Variants in SLC39A8 observed in about 807,000 individuals in gnomAD.
SLC39A8 encodes metal cation symporter ZIP8.
SLC39A8 carries 15 observed loss-of-function variants against 40.4 expected under a neutral mutation model. That is an observed-to-expected ratio of 0.37 (90% CI 0.25 to 0.57). The LOEUF (loss-of-function observed/expected upper bound fraction) is 0.57, where lower values mean the gene tolerates loss of function less well. Among genes scored for constraint, SLC39A8 ranks in the 20% least tolerant of loss-of-function variants. The pLI is 0.75. For synonymous variants in SLC39A8, 223 were observed against 221.6 expected (o/e 1.01, Z -0.06); for missense variants, 472 against 558.8 (o/e 0.84, Z 1.57).
downstream of SLC39A8, chr4:102,259,558 T>C (rs578077100): frequency 2.2e-6 from 3 of 1,388,542 alleles, no homozygotes; most frequent in African/African-American, 4.3e-5. Flanking sequence ...GGGAGAGATA[T>C]AAATAGGAAA....
At chr4:102,312,922 T>C (rs1475889129) in intron 3 of SLC39A8, among the ~76,000 whole-genome samples, 1 of 152,152 alleles carries the variant, frequency 6.6e-6, no homozygotes, top group Non-Finnish European at 1.5e-5. Context: ...TGCAATACTA[T>C]TAGTCAAGGG....
At chr4:102,287,513 T>G (rs929749012) in intron 6 of SLC39A8, among the ~76,000 whole-genome samples, 1 of 152,120 alleles carries the variant, frequency 6.6e-6, no homozygotes, top group Non-Finnish European at 1.5e-5. Flanking sequence ...CATTTCGCTT[T>G]CATCATGTTC....
At chr4:102,324,231 C>T (rs1241880814) in intron 2 of SLC39A8, 1 of 360,928 alleles carries the variant, frequency 2.8e-6, no homozygotes, top group African/African-American at 2.2e-5. Flanking sequence ...CCCGTCTATA[C>T]TAAAAATATA....
chr4:102,251,910 G>C (rs974972567), exon 12 of SLC39A8: 1 of 152,206 alleles, frequency 6.6e-6, no homozygotes, highest in Admixed American at 6.5e-5. Context: ...CTTCATATCT[G>C]ATGTTTTTAA....
chr4:102,285,572 T>G (rs1733134609), intron 6 of SLC39A8, among the ~76,000 whole-genome samples: 1 of 151,870 alleles, frequency 6.6e-6, no homozygotes. Flanking sequence ...GAAATTTACC[T>G]CAGACACAAA....
chr4:102,320,193 ATATATATATG>A (rs1560560857), intron 2 of SLC39A8, among the ~76,000 whole-genome samples: 1 of 131,834 alleles, frequency 7.6e-6, no homozygotes, highest in Non-Finnish European at 1.6e-5. Flanking sequence ...ATATATATGT[ATATATATATG>A]TATATATATA....
At chr4:102,276,026 G>C (rs1244563168) in intron 6 of SLC39A8, among the ~76,000 whole-genome samples, 1 of 152,162 alleles carries the variant, frequency 6.6e-6, no homozygotes, top group Non-Finnish European at 1.5e-5. Context: ...ATCCACAGGA[G>C]AAAGTGGAAA....
At position 102,262,522 on chromosome 4, in the gene SLC39A8, CT is replaced by C. The variant is rs1022543229; in HGVS notation, c.*521del. On this transcript the variant is annotated 3_prime_UTR_variant, in exon 9 of 9. Coordinates refer to ENST00000356736, the MANE Select transcript of SLC39A8 (RefSeq NM_001135146.2). ...AACAGAACAAAAAGCTGTGAGAAAT[CT>C]TTTTTTTCTTTGGCTCCTTAAAGAC... 27 of 984,976 alleles carry C rather than the reference CT, an allele frequency of 2.7e-5. No homozygotes were observed. The highest frequency in any genetic ancestry group is 1.0e-3 in the Middle Eastern group (2 of 1,934). 61.0% of individuals were successfully genotyped at this position (984,976 alleles called of 1,614,324 possible). A position where few individuals can be genotyped will look rare whatever the true frequency, so the allele number is the denominator to read the frequency against.
intron 6 of SLC39A8, among the ~76,000 whole-genome samples, chr4:102,278,534 G>T (rs1208788919): frequency 6.6e-6 from 1 of 152,194 alleles, no homozygotes; most frequent in African/African-American, 2.4e-5. Flanking sequence ...CTTTTACACT[G>T]TTGGTGGGAG....
chr4:102,340,405 T>A (rs1252358649), intron 2 of SLC39A8, among the ~76,000 whole-genome samples: 1 of 152,176 alleles, frequency 6.6e-6, no homozygotes, highest in Admixed American at 6.5e-5. Flanking sequence ...TTGAAGGGAC[T>A]TCGACTACAC....
intron 6 of SLC39A8, among the ~76,000 whole-genome samples, chr4:102,273,057 T>C (rs1345809989): frequency 2.0e-5 from 3 of 152,180 alleles, no homozygotes; most frequent in Admixed American, 6.5e-5. Flanking sequence ...GGAGTTTTTT[T>C]CCATACCCCA....
At chr4:102,339,411 C>T (rs1022671249) in intron 2 of SLC39A8, among the ~76,000 whole-genome samples, 1 of 152,138 alleles carries the variant, frequency 6.6e-6, no homozygotes, top group Non-Finnish European at 1.5e-5. Flanking sequence ...CATCATTACC[C>T]CCACCCCAGG....
chr4:102,307,393 A>G (rs1372631153), intron 4 of SLC39A8, 43 bp downstream of exon 4: 1 of 1,599,010 alleles, frequency 6.3e-7, no homozygotes, highest in Admixed American at 1.8e-5. Context: ...AAAACGTTCA[A>G]AAGAAACAAT....
downstream of SLC39A8, chr4:102,259,360 A>G: frequency 2.4e-6 from 2 of 833,168 alleles, no homozygotes; most frequent in Admixed American, 2.3e-5. Flanking sequence ...TGTTGTGGGA[A>G]TAACATGCAC....
At chr4:102,310,777 C>T (rs930954831) in intron 3 of SLC39A8, among the ~76,000 whole-genome samples, 4 of 152,108 alleles carry the variant, frequency 2.6e-5, no homozygotes, top group Admixed American at 1.3e-4. Context: ...TCCATATATA[C>T]GTGGGACTTT....
chr4:102,251,111 T>A (rs1731576129), exon 12 of SLC39A8: 1 of 152,262 alleles, frequency 6.6e-6, no homozygotes, highest in Non-Finnish European at 1.5e-5. Context: ...AGTGATGTTA[T>A]ACATATAATG....
intron 6 of SLC39A8, among the ~76,000 whole-genome samples, chr4:102,292,152 A>G (rs1448629548): frequency 6.6e-6 from 1 of 152,062 alleles, no homozygotes; most frequent in Non-Finnish European, 1.5e-5. Flanking sequence ...TAATGATAGC[A>G]TAATGTATAG....
intron 6 of SLC39A8, among the ~76,000 whole-genome samples, chr4:102,291,141 T>C (rs1333979023): frequency 6.6e-6 from 1 of 152,064 alleles, no homozygotes; most frequent in African/African-American, 2.4e-5. Context: ...GACAAACTCC[T>C]TAAAATAGTT....
intron 3 of SLC39A8, among the ~76,000 whole-genome samples, chr4:102,311,850 G>T (rs185381629): frequency 6.6e-6 from 1 of 152,046 alleles, no homozygotes; most frequent in African/African-American, 2.4e-5. Flanking sequence ...TATTGCTTTG[G>T]ATGAGCTAAA....
Sources: gnomAD v4.1 joint callset for allele counts (sites outside exome capture counted in the v4.1 genomes callset) on GRCh38, gnomAD v4.1.1 for gene constraint, MANE v1.5 for transcripts, NCBI Gene and HGNC (gene_info 2026-07-23, HGNC 2026-07-21) for gene names.